BRINP3: variants seen among roughly 807,000 people sequenced by gnomAD.
The protein encoded by BRINP3 is BMP/retinoic acid-inducible neural-specific protein 3.
BRINP3 carries 19 observed loss-of-function variants against 71.0 expected under a neutral mutation model. The ratio of observed to expected loss-of-function variants is 0.27; its 90% confidence interval spans 0.19 to 0.39. The LOEUF (loss-of-function observed/expected upper bound fraction) is 0.39. BRINP3 is among the 10% of genes least tolerant of loss of function. The pLI, the probability that BRINP3 is intolerant of heterozygous loss-of-function variation, is 1.00. For missense variants in BRINP3, 959 were observed against 940.8 expected (o/e 1.02, Z -0.25); for synonymous variants, 380 against 337.7 (o/e 1.13, Z -1.37).
chr1:190,240,462 C>A (rs890073421), intron 4 of BRINP3, among the ~76,000 whole-genome samples: 3 of 152,068 alleles, frequency 2.0e-5, no homozygotes, highest in African/African-American at 4.8e-5. Flanking sequence ...AGCAAAATTT[C>A]TTTTAAAACA....
chr1:190,312,036 A>AATATATATATATATAT (rs1180367434), intron 2 of BRINP3, among the ~76,000 whole-genome samples: 3 of 68,306 alleles, frequency 4.4e-5, no homozygotes, highest in African/African-American at 9.5e-5. Context: ...TGAAAAGTCA[A>AATATATATATATATAT]ATATATATAT....
At chr1:190,428,617 A>G (rs2102494586) in intron 2 of BRINP3, among the ~76,000 whole-genome samples, 1 of 152,154 alleles carries the variant, frequency 6.6e-6, no homozygotes, top group East Asian at 1.9e-4. Flanking sequence ...TCCATCAGCT[A>G]TTTCCCAGTT....
chr1:190,153,886 C>T (rs1388809141), intron 7 of BRINP3: 3 of 158,434 alleles, frequency 1.9e-5, no homozygotes, highest in Non-Finnish European at 4.1e-5. Flanking sequence ...ATTTGGAGGC[C>T]ATTCTGTAAG....
intron 2 of BRINP3, among the ~76,000 whole-genome samples, chr1:190,323,958 T>G (rs1415066746): frequency 6.6e-6 from 1 of 152,034 alleles, no homozygotes; most frequent in Admixed American, 6.6e-5. Flanking sequence ...TGGAAAGGTA[T>G]GCTTCTGGCA....
At chr1:190,171,359 G>A (rs1457523725) in intron 6 of BRINP3, among the ~76,000 whole-genome samples, 1 of 152,148 alleles carries the variant, frequency 6.6e-6, no homozygotes, top group Non-Finnish European at 1.5e-5. Context: ...TAAAGAGCAA[G>A]TAATAATACC....
chr1:190,357,180 T>C (rs928250071), intron 2 of BRINP3, among the ~76,000 whole-genome samples: 2 of 152,000 alleles, frequency 1.3e-5, no homozygotes, highest in Non-Finnish European at 2.9e-5. Flanking sequence ...TTTTTTCAGA[T>C]CAGTTAGTTG....
chr1:190,274,855 G>T (rs1178100102), intron 3 of BRINP3, among the ~76,000 whole-genome samples: 1 of 151,568 alleles, frequency 6.6e-6, no homozygotes, highest in Admixed American at 6.6e-5. Flanking sequence ...CAATCTTAGA[G>T]AAATAGGCTT....
chr1:190,388,814 C>T (rs1207989273), intron 2 of BRINP3, among the ~76,000 whole-genome samples: 1 of 151,674 alleles, frequency 6.6e-6, no homozygotes, highest in African/African-American at 2.4e-5. Flanking sequence ...TGGGAAAATT[C>T]ATCAAAGATG....
chr1:190,385,744 G>T (rs929234560), intron 2 of BRINP3, among the ~76,000 whole-genome samples: 1 of 151,972 alleles, frequency 6.6e-6, no homozygotes, highest in African/African-American at 2.4e-5. Context: ...TATACCCAAA[G>T]AACTATAAAT....
intron 2 of BRINP3, among the ~76,000 whole-genome samples, chr1:190,405,265 G>C (rs562598240): frequency 1.2e-4 from 18 of 151,758 alleles, no homozygotes; most frequent in Admixed American, 2.6e-4. Context: ...TCCTGGCTAA[G>C]ACGGTGAAAC....
At chr1:190,258,034 G>A (rs1443846514) in intron 4 of BRINP3, among the ~76,000 whole-genome samples, 5 of 152,200 alleles carry the variant, frequency 3.3e-5, no homozygotes, top group East Asian at 1.9e-4. Context: ...AGACAGAGAC[G>A]TTTAAGTCTG....
rs1664001346 is a variant in BRINP3, at chr1:190,293,209, ATGTTT to A, written c.237-11464_237-11460del. ...TTATCTATATTTCATATGTATTGTT[ATGTTT>A]TGATTTCCTTTTTATGCATTTTAAG... On this transcript the variant is annotated intron_variant, in intron 2 of 7. Coordinates refer to ENST00000367462, the MANE Select transcript of BRINP3 (RefSeq NM_199051.3). Among the ~76,000 whole-genome samples the A allele has an allele frequency of 4.6e-5, 7 of 151,806 alleles. No individual in the cohort carries two copies. The South Asian group carries it at 1.5e-3, about 32-fold the overall frequency.
At chr1:190,363,608 T>A (rs1571865314) in intron 2 of BRINP3, among the ~76,000 whole-genome samples, 1 of 152,216 alleles carries the variant, frequency 6.6e-6, no homozygotes, top group East Asian at 1.9e-4. Flanking sequence ...ATTTCAAGAT[T>A]TCACGTGCTC....
intron 2 of BRINP3, among the ~76,000 whole-genome samples, chr1:190,397,637 G>A (rs1035156707): frequency 6.6e-6 from 1 of 151,936 alleles, no homozygotes; most frequent in Non-Finnish European, 1.5e-5. Context: ...AGTTTAAAAT[G>A]TGAAATTTAG....
At chr1:190,234,345 A>T in intron 5 of BRINP3, 27 bp downstream of exon 5, 1 of 1,535,986 alleles carries the variant, frequency 6.5e-7, no homozygotes, top group South Asian at 1.2e-5. Context: ...AGGCTTGTAG[A>T]GAATTAATGA....
At chr1:190,254,852 G>A (rs1392169069) in intron 4 of BRINP3, among the ~76,000 whole-genome samples, 1 of 152,070 alleles carries the variant, frequency 6.6e-6, no homozygotes, top group Non-Finnish European at 1.5e-5. Context: ...TCTTGTGCCT[G>A]TTTTCAAAGG....
rs189984152 is a variant in BRINP3 at position 190,233,473 on chromosome 1, G to A, written c.724+899C>T. ...TAGGATTGCAGGCATAAGCCACCAC[G>A]TGGGGACACTGATACATTTTTCAAG... On this transcript the variant is annotated intron_variant, in intron 5 of 7. Transcript: ENST00000367462. 6.6e-5 allele frequency among the ~76,000 whole-genome samples: 10 copies of A among 152,212 alleles called. No individual in the cohort carries two copies. The East Asian group carries it at 1.7e-3, about 26-fold the overall frequency.
intron 2 of BRINP3, among the ~76,000 whole-genome samples, chr1:190,389,358 T>C (rs959313527): frequency 6.6e-6 from 1 of 151,752 alleles, no homozygotes; most frequent in African/African-American, 2.4e-5. Context: ...CCATGTGGCA[T>C]GTGAATCTCA....
chr1:190,309,585 A>C (rs2103021023), intron 2 of BRINP3, among the ~76,000 whole-genome samples: 1 of 151,946 alleles, frequency 6.6e-6, no homozygotes, highest in East Asian at 1.9e-4. Context: ...TATTAACCTC[A>C]TGATCGAAGA....
Sources: gnomAD v4.1 joint callset for allele counts (sites outside exome capture counted in the v4.1 genomes callset) on GRCh38, gnomAD v4.1.1 for gene constraint, MANE v1.5 for transcripts, NCBI Gene and HGNC (gene_info 2026-07-23, HGNC 2026-07-21) for gene names.